The following FMNL2 variants were observed in gnomAD, a reference collection of about 807,000 sequenced individuals.
The protein encoded by FMNL2 is formin like 2.
A neutral mutation model predicts 130.2 loss-of-function variants in FMNL2; 51 were observed. The ratio of observed to expected loss-of-function variants is 0.39; its 90% CI spans 0.31 to 0.49. FMNL2 has a LOEUF of 0.49. Ranked by LOEUF, FMNL2 falls within the 20% of genes least tolerant of loss-of-function variation. FMNL2 has a pLI of 0.85. For synonymous variants in FMNL2, 465 were observed against 467.1 expected, an observed-to-expected ratio of 1.00 and a Z score of 0.06; for missense variants, 977 against 1,316.2, an observed-to-expected ratio of 0.74 and a Z score of 3.99.
chr2:152,541,426 T>C (rs1297068364), intron 2 of FMNL2, among the ~76,000 whole-genome samples: 1 of 152,208 alleles, frequency 6.6e-6, no homozygotes, highest in Non-Finnish European at 1.5e-5. Flanking sequence ...TTTAAACTTT[T>C]TTTTGTGAGA....
intron 1 of FMNL2, among the ~76,000 whole-genome samples, chr2:152,389,761 G>A (rs1338002136): frequency 6.6e-6 from 1 of 152,194 alleles, no homozygotes; most frequent in African/African-American, 2.4e-5. Flanking sequence ...GCAGGAGCTT[G>A]TGAACACTTT....
At chr2:152,456,339 G>A (rs1688953662) in intron 1 of FMNL2, among the ~76,000 whole-genome samples, 1 of 152,174 alleles carries the variant, frequency 6.6e-6, no homozygotes, top group African/African-American at 2.4e-5. Context: ...CTGTTTTAGT[G>A]AGTCAGAAGC....
intron 6 of FMNL2, among the ~76,000 whole-genome samples, 200 bp downstream of exon 6, chr2:152,561,235 G>T (rs1695505648): frequency 6.6e-6 from 1 of 152,200 alleles, no homozygotes; most frequent in East Asian, 1.9e-4. Flanking sequence ...ATAGCTTCTG[G>T]AAACACCATA....
chr2:152,467,475 T>C (rs899717989), intron 1 of FMNL2, among the ~76,000 whole-genome samples: 1 of 152,216 alleles, frequency 6.6e-6, no homozygotes, highest in Non-Finnish European at 1.5e-5. Context: ...CCTCGGCCCC[T>C]GTTTCCTACA....
chr2:152,366,892 C>T (rs748169391), intron 1 of FMNL2, among the ~76,000 whole-genome samples: 1 of 152,066 alleles, frequency 6.6e-6, no homozygotes, highest in East Asian at 1.9e-4. Flanking sequence ...ATTGCTTGAG[C>T]CTCGGAGGTT....
At chr2:152,589,977 A>ATG (rs1427052462) in intron 9 of FMNL2, among the ~76,000 whole-genome samples, 53 of 44,902 alleles carry the variant, frequency 1.2e-3, no homozygotes, top group African/African-American at 5.3e-3. Flanking sequence ...ATATATATAT[A>ATG]TATATATGTA....
At chr2:152,432,977 C>T (rs1687576852) in intron 1 of FMNL2, among the ~76,000 whole-genome samples, 1 of 152,172 alleles carries the variant, frequency 6.6e-6, no homozygotes, top group African/African-American at 2.4e-5. Flanking sequence ...GTCAGGCAGA[C>T]CCGGGCTTGA....
intron 1 of FMNL2, among the ~76,000 whole-genome samples, chr2:152,474,420 C>T (rs985129743): frequency 3.3e-5 from 5 of 152,214 alleles, no homozygotes; most frequent in Admixed American, 1.3e-4. Context: ...TGCAGTGGCT[C>T]ACGCCTGTAA....
chr2:152,439,382 G>A (rs1687940336), intron 1 of FMNL2, among the ~76,000 whole-genome samples: 1 of 152,082 alleles, frequency 6.6e-6, no homozygotes, highest in African/African-American at 2.4e-5. Context: ...GAGAAGACAA[G>A]TTTTGTTGGA....
chr2:152,406,801 A>G (rs1191954130), intron 1 of FMNL2, among the ~76,000 whole-genome samples: 1 of 152,210 alleles, frequency 6.6e-6, no homozygotes, highest in Non-Finnish European at 1.5e-5. Context: ...GTTCTTACTG[A>G]TTTAGAAAAG....
intron 2 of FMNL2, among the ~76,000 whole-genome samples, chr2:152,537,638 T>G (rs1694067321): frequency 6.8e-6 from 1 of 148,116 alleles, no homozygotes; most frequent in Non-Finnish European, 1.5e-5. Flanking sequence ...AGAAGTGACT[T>G]GTATGTGACA....
intron 1 of FMNL2, among the ~76,000 whole-genome samples, chr2:152,378,262 C>CA (rs1330281726): frequency 6.6e-6 from 1 of 152,110 alleles, no homozygotes; most frequent in East Asian, 1.9e-4. Context: ...TAAGTAGGAC[C>CA]ATTTAGAAAG....
intron 1 of FMNL2, among the ~76,000 whole-genome samples, chr2:152,442,974 G>C (rs11684450): frequency 6.6e-6 from 1 of 151,988 alleles, no homozygotes; most frequent in Non-Finnish European, 1.5e-5. Flanking sequence ...GGGATCGCTC[G>C]GGCCGCAGCA....
intron 2 of FMNL2, among the ~76,000 whole-genome samples, chr2:152,538,094 A>G (rs898710907): frequency 6.6e-6 from 1 of 152,206 alleles, no homozygotes; most frequent in South Asian, 2.1e-4. Context: ...ACTGCCCCAC[A>G]TGAAAAGTTA....
intron 1 of FMNL2, among the ~76,000 whole-genome samples, chr2:152,387,552 C>G (rs1684851472): frequency 6.6e-6 from 1 of 152,208 alleles, no homozygotes; most frequent in African/African-American, 2.4e-5. Context: ...TGTGACTTAT[C>G]AAGCCCTGCT....
At chr2:152,392,216 C>G (rs1395029588) in intron 1 of FMNL2, among the ~76,000 whole-genome samples, 7 of 152,022 alleles carry the variant, frequency 4.6e-5, no homozygotes. Flanking sequence ...TTCTCATCTT[C>G]CTTTGTCAGA....
In FMNL2 at chr2:152,647,779, C is replaced by CACTCT; in HGVS notation, c.3170-16_3170-12dup. ...TTAAAGGTTGCTATTCTCTCACTGG[C>CACTCT]ACTCTCCCCTTTACAGATCTTAGAA... On this transcript the variant is annotated splice_polypyrimidine_tract_variant and intron_variant, in intron 25 of 25. Coordinates refer to ENST00000288670, the MANE Select transcript of FMNL2 (RefSeq NM_052905.4). The CACTCT allele has an allele frequency of 6.2e-7, 1 of 1,611,618 alleles. No homozygotes were observed. Among genetic ancestry groups the CACTCT allele is most frequent in the Non-Finnish European group, 8.5e-7 (1 of 1,177,782 alleles).
intron 1 of FMNL2, among the ~76,000 whole-genome samples, chr2:152,411,771 C>T (rs190553860): frequency 7.7e-4 from 118 of 152,304 alleles, no homozygotes; most frequent in Non-Finnish European, 1.2e-3. Context: ...TTGAATGATT[C>T]CCATGTGGCC....
chr2:152,445,209 A>G (rs573322744), intron 1 of FMNL2, among the ~76,000 whole-genome samples: 1 of 152,230 alleles, frequency 6.6e-6, no homozygotes, highest in Admixed American at 6.5e-5. Flanking sequence ...TAACGTGGGC[A>G]ACAGTGTCTT....
Sources: allele counts gnomAD v4.1 joint callset (sites outside exome capture counted in the v4.1 genomes callset), GRCh38; gene constraint gnomAD v4.1.1; transcripts MANE v1.5; gene names NCBI Gene and HGNC (gene_info 2026-07-23, HGNC 2026-07-21).